Variants in PCDH15 observed in about 807,000 individuals in gnomAD.
PCDH15 encodes protocadherin related 15.
In PCDH15, 129 loss-of-function variants were observed where a neutral mutation model predicts 178.5. The observed-to-expected ratio is 0.72, with a 90% confidence interval of 0.63 to 0.84. The LOEUF is 0.84. Among genes scored for constraint, PCDH15 ranks in the 40% least tolerant of loss-of-function variants. The pLI, the probability that PCDH15 is intolerant of heterozygous loss-of-function variation, is 0.00. For synonymous variants in PCDH15, 800 were observed against 732.0 expected (o/e 1.09, Z -1.50); for missense variants, 2,230 against 2,099.9 (o/e 1.06, Z -1.21).
intron 2 of PCDH15, among the ~76,000 whole-genome samples, chr10:54,592,364 A>G (rs912113891): frequency 1.4e-5 from 2 of 141,798 alleles, no homozygotes; most frequent in Non-Finnish European, 3.1e-5. Flanking sequence ...CCTGACTTCC[A>G]TTTTTCTTTT....
rs571755362 is a variant in PCDH15, at chr10:53,823,260, G to C, written c.4368-3030C>G. ...ATGAGCTGACTTGTGAGCCTCAATA[G>C]TATTGGAAGAAAAGGGCATCACAAC... On this transcript the variant is annotated intron_variant, in intron 32 of 37. Coordinates refer to ENST00000644397, the MANE Select transcript of PCDH15 (RefSeq NM_001384140.1). 6 of 1,613,962 alleles carry C rather than the reference G, an allele frequency of 3.7e-6. No individual in the cohort carries two copies. The South Asian group carries it at 5.5e-5, about 15-fold the overall frequency.
Position 54,329,665 on chromosome 10 carries a change from T to C in PCDH15, c.636A>G (p.Gly212=), listed in dbSNP as rs1414757654. ...TGAGCCTCTTCCTTAACACTATATT[T>C]CCAGTCAACATTAGGGGAATTTCAA... The part of the protein sequence containing the change: ...DTFEIPLMLT[G]NIVLRKRLNY... The change falls in exon 7 of 38, where the codon GGA becomes GGG. Residue 212 remains glycine, a synonymous_variant. Transcript: ENST00000644397. The C allele has an allele frequency of 3.1e-6, 5 of 1,608,914 alleles. No homozygotes were observed. Among genetic ancestry groups the C allele is most frequent in the Non-Finnish European group, 4.3e-6 (5 of 1,175,730 alleles).
chr10:55,341,358 T>C (rs1253282660), intron 2 of PCDH15, among the ~76,000 whole-genome samples: 1 of 152,058 alleles, frequency 6.6e-6, no homozygotes, highest in East Asian at 1.9e-4. Context: ...TAAGTAACTA[T>C]CATACTCAAT....
At chr10:54,067,685 G>T (rs2094163723) in intron 17 of PCDH15, among the ~76,000 whole-genome samples, 1 of 152,142 alleles carries the variant, frequency 6.6e-6, no homozygotes, top group Non-Finnish European at 1.5e-5. Flanking sequence ...AAGGCTGAGA[G>T]CAAAGGTACA....
chr10:54,172,738 G>C (rs1029052422), intron 13 of PCDH15, among the ~76,000 whole-genome samples: 4 of 151,914 alleles, frequency 2.6e-5, no homozygotes, highest in Non-Finnish European at 4.4e-5. Context: ...CGTGAATATA[G>C]TCAAAATTAA....
At chr10:54,205,481 T>TGTGTGTGTGTGTG (rs2050698469) in intron 10 of PCDH15, among the ~76,000 whole-genome samples, 4 of 135,088 alleles carry the variant, frequency 3.0e-5, no homozygotes, top group Non-Finnish European at 3.2e-5. Flanking sequence ...TATATTTCCT[T>TGTGTGTGTGTGTG]TGTGTGTGTG....
chr10:54,540,560 G>T (rs578104215), intron 2 of PCDH15, among the ~76,000 whole-genome samples: 4 of 152,128 alleles, frequency 2.6e-5, no homozygotes, highest in Non-Finnish European at 5.9e-5. Context: ...TGAACTCACA[G>T]CCGAATTCTA....
At chr10:54,206,145 G>A (rs778829719) in intron 10 of PCDH15, among the ~76,000 whole-genome samples, 1 of 152,000 alleles carries the variant, frequency 6.6e-6, no homozygotes, top group Non-Finnish European at 1.5e-5. Context: ...TTGTTACAAC[G>A]AACACATGAA....
intron 23 of PCDH15, among the ~76,000 whole-genome samples, chr10:53,950,210 G>A (rs923725059): frequency 1.2e-3 from 177 of 151,946 alleles, no homozygotes; most frequent in African/African-American, 4.1e-3. Flanking sequence ...AATTGAAAAG[G>A]ACTTATAGTA....
chr10:55,087,851 A>G (rs989612842), intron 2 of PCDH15, among the ~76,000 whole-genome samples: 1 of 152,172 alleles, frequency 6.6e-6, no homozygotes, highest in Non-Finnish European at 1.5e-5. Context: ...GTGTAATTCT[A>G]CATGGTAGCC....
chr10:53,834,586 TTC>T (rs1564570672), intron 29 of PCDH15, among the ~76,000 whole-genome samples: 2 of 151,786 alleles, frequency 1.3e-5, no homozygotes, highest in Admixed American at 1.3e-4. Context: ...CCTTTTGTAA[TTC>T]TAAGGGAAGG....
intron 3 of PCDH15, among the ~76,000 whole-genome samples, chr10:54,406,573 G>A (rs1318327816): frequency 1.3e-5 from 2 of 152,006 alleles, no homozygotes; most frequent in Non-Finnish European, 2.9e-5. Flanking sequence ...CAGCCCAGGA[G>A]TCATAATTTG....
chr10:54,188,032 A>T (rs2048631589), intron 11 of PCDH15, among the ~76,000 whole-genome samples: 1 of 151,876 alleles, frequency 6.6e-6, no homozygotes, highest in African/African-American at 2.4e-5. Context: ...GTTAATAGAT[A>T]CATATCAGTA....
chr10:54,121,343 A>G (rs1293757823), intron 15 of PCDH15, among the ~76,000 whole-genome samples: 4 of 152,126 alleles, frequency 2.6e-5, no homozygotes, highest in African/African-American at 9.7e-5. Flanking sequence ...AAAAAGTTAG[A>G]AAGATCTCAA....
In PCDH15 at chr10:54,617,054, AT is replaced by A. The variant is rs1171368658; in HGVS notation, c.91+47117del. 2.3e-5 allele frequency among the ~76,000 whole-genome samples: 3 copies of A among 130,742 alleles called. No homozygotes were observed. The East Asian group carries it at 6.6e-4, about 29-fold the overall frequency. 85.8% of individuals were successfully genotyped at this position (130,742 alleles called of 152,430 possible). Reference sequence around the variant, plus strand: ...ATGACGTTTTTATTTTTATTTTTTAATTTTTATTTATTTATTTTTTTAAGTA... The same window carrying A: ...ATGACGTTTTTATTTTTATTTTTTAATTTTATTTATTTATTTTTTTAAGTA... On this transcript the variant is annotated intron_variant, in intron 2 of 37. Transcript: ENST00000644397.
intron 1 of PCDH15, among the ~76,000 whole-genome samples, chr10:55,226,403 C>T (rs554102238): frequency 1.4e-4 from 21 of 151,234 alleles, no homozygotes; most frequent in African/African-American, 4.6e-4. Flanking sequence ...CGAGCCTCAC[C>T]CTGGAGTGCA....
At chr10:54,541,567 A>C (rs1230148566) in intron 2 of PCDH15, among the ~76,000 whole-genome samples, 1 of 152,174 alleles carries the variant, frequency 6.6e-6, no homozygotes, top group African/African-American at 2.4e-5. Context: ...CTGTTATTCC[A>C]AAATCTTTCC....
chr10:54,849,962 A>G (rs1035017079), intron 3 of PCDH15, among the ~76,000 whole-genome samples: 1 of 152,194 alleles, frequency 6.6e-6, no homozygotes, highest in Non-Finnish European at 1.5e-5. Flanking sequence ...TTAGGATAAA[A>G]TAAATGGTGG....
intron 15 of PCDH15, among the ~76,000 whole-genome samples, chr10:54,125,974 T>A (rs1182214578): frequency 6.6e-6 from 1 of 152,142 alleles, no homozygotes; most frequent in Non-Finnish European, 1.5e-5. Context: ...TTATTTCAAA[T>A]GCCCAGTACC....
Sources: allele counts gnomAD v4.1 joint callset (sites outside exome capture counted in the v4.1 genomes callset), GRCh38; gene constraint gnomAD v4.1.1; transcripts MANE v1.5; gene names NCBI Gene and HGNC (gene_info 2026-07-23, HGNC 2026-07-21).